Variants in KMT2C observed in about 807,000 individuals in gnomAD.
The protein encoded by KMT2C is histone-lysine N-methyltransferase 2C.
In KMT2C, 88 loss-of-function variants were observed where a neutral mutation model predicts 507.9. That is an observed-to-expected ratio of 0.17 (90% CI 0.15 to 0.21). KMT2C has a LOEUF of 0.21. Among genes scored for constraint, KMT2C ranks in the 10% least tolerant of loss-of-function variants. KMT2C has a pLI of 1.00. For synonymous variants in KMT2C, 2,049 were observed against 2,080.8 expected (o/e 0.98, Z 0.42); for missense variants, 4,954 against 5,957.8 (o/e 0.83, Z 5.55).
rs184298846 is a variant in KMT2C, at chr7:152,319,272, A to T, written c.390-3934T>A. Among the ~76,000 whole-genome samples, 308 of 152,322 alleles carry T rather than the reference A, an allele frequency of 2.0e-3. 2 individuals carry two copies. The highest frequency in any genetic ancestry group is 0.011 in the Admixed American group (165 of 15,298). On this transcript the variant is annotated intron_variant, in intron 3 of 58. Coordinates refer to ENST00000262189, the MANE Select transcript of KMT2C (RefSeq NM_170606.3). ...ATCATAGATATGATTATACATGAAT[A>T]TCATTAATCATTAGTTTGTAGCAAT...
chr7:152,139,879 A>T, intron 55 of KMT2C, 88 bp from the exon 56 acceptor site: 1 of 813,462 alleles, frequency 1.2e-6, no homozygotes, highest in East Asian at 2.5e-5. Flanking sequence ...CTCGGGTCTT[A>T]TTAGAAGCCA....
At chr7:152,268,550 T>C (rs1477427505) in intron 7 of KMT2C, among the ~76,000 whole-genome samples, 6 of 152,280 alleles carry the variant, frequency 3.9e-5, no homozygotes, top group Admixed American at 2.0e-4. Flanking sequence ...CTTTAAGTGA[T>C]AGGCATTTAA....
chr7:152,241,681 A>C (rs574225482), intron 14 of KMT2C, among the ~76,000 whole-genome samples: 11 of 152,114 alleles, frequency 7.2e-5, no homozygotes, highest in Non-Finnish European at 1.6e-4. Flanking sequence ...AAGATACCTA[A>C]ATTACTTCTC....
intron 37 of KMT2C, among the ~76,000 whole-genome samples, 169 bp downstream of exon 37, chr7:152,179,665 G>C (rs866158588): frequency 1.6e-4 from 23 of 143,184 alleles, no homozygotes; most frequent in South Asian, 4.7e-4. Flanking sequence ...AGGTTGGGGG[G>C]GGGGGGGGGT....
chr7:152,188,942 ATTAGT>A (rs2093708884), intron 31 of KMT2C, among the ~76,000 whole-genome samples: 1 of 152,102 alleles, frequency 6.6e-6, no homozygotes, highest in African/African-American at 2.4e-5. Context: ...CTTTCTCTAA[ATTAGT>A]TTTGAGTAAG....
intron 4 of KMT2C, among the ~76,000 whole-genome samples, chr7:152,312,547 T>C (rs1243844961): frequency 1.3e-5 from 2 of 152,104 alleles, no homozygotes; most frequent in Non-Finnish European, 2.9e-5. Context: ...GCAAGTACTC[T>C]CAATCAAGAC....
intron 1 of KMT2C, among the ~76,000 whole-genome samples, chr7:152,372,948 CAT>C (rs1394231869): frequency 6.6e-6 from 1 of 152,122 alleles, no homozygotes; most frequent in African/African-American, 2.4e-5. Flanking sequence ...CAGGATAGAT[CAT>C]ATGTTAGGCC....
At chr7:152,159,339 C>A (rs1412718797) in intron 43 of KMT2C, among the ~76,000 whole-genome samples, 3 of 152,212 alleles carry the variant, frequency 2.0e-5, no homozygotes, top group Non-Finnish European at 4.4e-5. Flanking sequence ...TCTGGCAAAG[C>A]ATTACCCCTC....
At position 152,248,151 on chromosome 7, in the gene KMT2C, C is replaced by T. The variant is rs377362713; in HGVS notation, c.2283G>A (p.Lys761=). Residue 761 remains lysine (K), a synonymous_variant, in exon 14 of 59, where the codon AAG becomes AAA. Coordinates refer to ENST00000262189, the MANE Select transcript of KMT2C (RefSeq NM_170606.3). ...DVSYQGGKSI[K]LSSETESSFS... is the part of the protein sequence containing the mutation. ...ATGATGACTCTGTCTCAGATGATAA[C>T]TTTATAGATTTGCCTCCTTGGTATG... is the stretch of plus-strand genomic sequence containing the variant. 2 of 1,614,064 alleles carry T rather than the reference C, an allele frequency of 1.2e-6. No homozygotes were observed. Among genetic ancestry groups the T allele is most frequent in the African/African-American group, 1.3e-5 (1 of 74,956 alleles).
At chr7:152,215,364 A>C (rs1359692206) in intron 23 of KMT2C, among the ~76,000 whole-genome samples, 1 of 151,780 alleles carries the variant, frequency 6.6e-6, no homozygotes, top group Non-Finnish European at 1.5e-5. Flanking sequence ...ATACAAAAAA[A>C]TTAGCCGGGC....
intron 4 of KMT2C, among the ~76,000 whole-genome samples, chr7:152,313,339 A>G (rs1360294761): frequency 2.0e-5 from 3 of 152,092 alleles, no homozygotes; most frequent in Non-Finnish European, 4.4e-5. Context: ...TAAAAAAACC[A>G]AGAGAATGAC....
chr7:152,255,769 T>A (rs552246323), intron 9 of KMT2C, among the ~76,000 whole-genome samples: 1 of 152,336 alleles, frequency 6.6e-6, no homozygotes, highest in Non-Finnish European at 1.5e-5. Flanking sequence ...AAAGACAGTC[T>A]TTTTAATGAA....
At chr7:152,245,489 T>C (rs2095457482) in intron 14 of KMT2C, among the ~76,000 whole-genome samples, 1 of 152,112 alleles carries the variant, frequency 6.6e-6, no homozygotes. Context: ...TTTCACCTGT[T>C]TTTGTTTTTT....
intron 1 of KMT2C, among the ~76,000 whole-genome samples, chr7:152,389,021 T>G (rs1481109106): frequency 6.6e-6 from 1 of 152,160 alleles, no homozygotes; most frequent in Non-Finnish European, 1.5e-5. Flanking sequence ...GTGCTGGGAT[T>G]ATAGGCATGA....
chr7:152,167,247 G>A lies in KMT2C; in HGVS notation c.9649C>T (p.Arg3217Cys), dbSNP rs1251668458. ...KSKKALSAKQ[R>C]TAKKAGREFP... is the part of the protein sequence containing the mutation. ...TCACGCCCAGCTTTCTTGGCAGTAC[G>A]TTGTTTAGCTGAAAGGGCCTTCTTA... Residue 3217 changes from arginine to cysteine, a missense_variant, in exon 42 of 59, where the codon CGT (arginine) becomes TGT (cysteine). Physicochemically the swap from Arg to Cys is radical, Grantham distance 180. Around this residue, in one of 29 missense-constraint regions of KMT2C, gnomAD observed 71 missense variants for 139.2 expected, o/e 0.51. Transcript: ENST00000262189. The A allele has an allele frequency of 6.2e-7, 1 of 1,614,060 alleles. No homozygotes were observed. Among genetic ancestry groups the A allele is most frequent in the Admixed American group, 1.7e-5 (1 of 60,024 alleles).
intron 6 of KMT2C, among the ~76,000 whole-genome samples, chr7:152,299,710 TAAG>T (rs1385478196): frequency 6.6e-6 from 1 of 151,570 alleles, no homozygotes; most frequent in Non-Finnish European, 1.5e-5. Flanking sequence ...AGAAAACATA[TAAG>T]AAGACAATCA....
chr7:152,193,139 G>A lies in KMT2C; in HGVS notation c.4660+870C>T, dbSNP rs569630500. 2.0e-5 allele frequency among the ~76,000 whole-genome samples: 3 copies of A among 152,334 alleles called. No individual in the cohort carries two copies. In the South Asian group the frequency reaches 6.2e-4, roughly 32 times the overall value. The stretch of plus-strand genomic sequence containing the variant: ...TGACGTGAGTTGTGTTCACACCACT[G>A]CATGTCAGCCTGGGTGACAGAGCGA... On this transcript the variant is annotated intron_variant, in intron 31 of 58. Transcript: ENST00000262189.
chr7:152,158,796 T>G, intron 44 of KMT2C, 67 bp downstream of exon 44: 4 of 1,435,868 alleles, frequency 2.8e-6, no homozygotes, highest in Non-Finnish European at 3.9e-6. Context: ...ATTACAGGCA[T>G]GAGCCACTGC....
At position 152,176,288 on chromosome 7, in the gene KMT2C, T is replaced by C. The variant is rs371682289; in HGVS notation, c.9165A>G (p.Leu3055=). 5 of 1,614,154 alleles carry C rather than the reference T, an allele frequency of 3.1e-6. No homozygotes were observed. The highest frequency in any genetic ancestry group is 4.2e-6 in the Non-Finnish European group (5 of 1,180,012). The change falls in exon 38 of 59, where the codon CTA becomes CTG. Residue 3055 remains leucine (L), a synonymous_variant. Transcript: ENST00000262189. ...GCCTTTCTTGATCCAAAAGATCCTG[T>C]AGAAGTAGAGGCTGTTCTTCTAGAA... ...PLLLEEQPLL[L]QDLLDQERQE...
Sources: allele counts gnomAD v4.1 joint callset (sites outside exome capture counted in the v4.1 genomes callset), GRCh38; gene constraint gnomAD v4.1.1; regional missense constraint gnomAD v4.1.1; transcripts MANE v1.5; gene names NCBI Gene and HGNC (gene_info 2026-07-23, HGNC 2026-07-21).